ZFPM2: variants seen among roughly 807,000 people sequenced by gnomAD.
The protein encoded by ZFPM2 is zinc finger protein, FOG family member 2.
ZFPM2 carries 20 observed loss-of-function variants against 98.6 expected under a neutral mutation model. The observed-to-expected ratio is 0.20, with a 90% CI of 0.14 to 0.29. The LOEUF (loss-of-function observed/expected upper bound fraction) is 0.29. ZFPM2 is among the 10% of genes least tolerant of loss of function. The pLI, the probability that ZFPM2 is intolerant of heterozygous loss-of-function variation, is 1.00. For synonymous variants in ZFPM2, 518 were observed against 502.7 expected, an observed-to-expected ratio of 1.03 and a Z score of -0.41; for missense variants, 1,310 against 1,388.6, an observed-to-expected ratio of 0.94 and a Z score of 0.90.
chr8:105,799,059 C>A (rs1031652370), intron 7 of ZFPM2, 111 bp downstream of exon 7: 6 of 1,010,896 alleles, frequency 5.9e-6, no homozygotes, highest in Non-Finnish European at 5.7e-6. Context: ...CTATCTATAA[C>A]ATCAAAATCA....
intron 4 of ZFPM2, among the ~76,000 whole-genome samples, chr8:105,614,880 C>T (rs1239030739): frequency 6.6e-6 from 1 of 152,126 alleles, no homozygotes; most frequent in Non-Finnish European, 1.5e-5. Context: ...CCATACTTGA[C>T]ATTATGCATA....
chr8:105,803,448 G>A lies in ZFPM2; in HGVS notation c.3366G>A (p.Arg1122=), dbSNP rs756634270. 1 of 1,613,696 alleles carries A rather than the reference G, an allele frequency of 6.2e-7. No individual in the cohort carries two copies. Among genetic ancestry groups the A allele is most frequent in the Non-Finnish European group, 8.5e-7 (1 of 1,179,760 alleles). The change falls in exon 8 of 8, where the codon CGG becomes CGA. Residue 1122 remains arginine (R), a synonymous_variant. Coordinates refer to ENST00000407775, the MANE Select transcript of ZFPM2 (RefSeq NM_012082.4). ...CTCCAACCAGTGGGAAATATTGCCGGCTATGTGATATCCAGTTCAACAACC... is the reference window on the plus strand; with the variant it reads ...CTCCAACCAGTGGGAAATATTGCCGACTATGTGATATCCAGTTCAACAACC... ...SQAPTSGKYC[R]LCDIQFNNLS...
chr8:105,636,262 A>G (rs1210990974), intron 5 of ZFPM2, among the ~76,000 whole-genome samples: 1 of 152,158 alleles, frequency 6.6e-6, no homozygotes, highest in Admixed American at 6.6e-5. Context: ...AACTTGAGCA[A>G]ACTTATGTGT....
chr8:105,450,094 G>T (rs1177756410), intron 3 of ZFPM2, among the ~76,000 whole-genome samples: 1 of 152,014 alleles, frequency 6.6e-6, no homozygotes, highest in African/African-American at 2.4e-5. Flanking sequence ...TCTACTTGTT[G>T]CATCTTGACT....
chr8:105,444,510 TAAA>T (rs1335796462), intron 3 of ZFPM2, 129 bp downstream of exon 3: 1 of 511,642 alleles, frequency 2.0e-6, no homozygotes, highest in Non-Finnish European at 3.4e-6. Flanking sequence ...AGAGTTTAAA[TAAA>T]GATTATTATT....
chr8:105,485,587 G>A (rs933812682), intron 3 of ZFPM2, among the ~76,000 whole-genome samples: 1 of 152,150 alleles, frequency 6.6e-6, no homozygotes, highest in African/African-American at 2.4e-5. Context: ...GATGTTAGGA[G>A]ACTAAAGCAA....
At chr8:105,713,627 C>G (rs1811453586) in intron 5 of ZFPM2, among the ~76,000 whole-genome samples, 1 of 152,022 alleles carries the variant, frequency 6.6e-6, no homozygotes, top group Non-Finnish European at 1.5e-5. Flanking sequence ...TTTAATCCAT[C>G]TTGAGTTAAT....
rs572444152 is a variant in ZFPM2 at position 105,426,829 on chromosome 8, C to T, written c.199+7527C>T. 4.6e-5 allele frequency among the ~76,000 whole-genome samples: 7 copies of T among 151,958 alleles called. No homozygotes were observed. In the East Asian group the frequency reaches 5.8e-4, roughly 13 times the overall value. Reference sequence around the variant, plus strand: ...TACAAAAAATACAGGCAGTGGTACACGCCTGTAGTCCCAGCTACTCTGGAG... The same window carrying T: ...TACAAAAAATACAGGCAGTGGTACATGCCTGTAGTCCCAGCTACTCTGGAG... On this transcript the variant is annotated intron_variant, in intron 2 of 7. Coordinates refer to ENST00000407775, the MANE Select transcript of ZFPM2 (RefSeq NM_012082.4).
chr8:105,672,075 A>G (rs1807577410), intron 5 of ZFPM2, among the ~76,000 whole-genome samples: 1 of 152,164 alleles, frequency 6.6e-6, no homozygotes, highest in African/African-American at 2.4e-5. Context: ...ATAAAGTCTT[A>G]TACATTCTAG....
intron 3 of ZFPM2, among the ~76,000 whole-genome samples, chr8:105,559,936 G>A (rs1032396467): frequency 1.3e-5 from 2 of 151,948 alleles, no homozygotes; most frequent in African/African-American, 2.4e-5. Context: ...GGCCAGGCGC[G>A]GTGGCTCACG....
intron 1 of ZFPM2, among the ~76,000 whole-genome samples, chr8:105,382,681 A>T (rs1810911071): frequency 6.6e-6 from 1 of 152,080 alleles, no homozygotes; most frequent in Admixed American, 6.6e-5. Context: ...GGCTTAAAAT[A>T]TTTGTGATTT....
chr8:105,513,733 G>A (rs1813861281), intron 3 of ZFPM2, among the ~76,000 whole-genome samples: 1 of 152,186 alleles, frequency 6.6e-6, no homozygotes, highest in African/African-American at 2.4e-5. Flanking sequence ...AATTATAAAG[G>A]AGGAGATCTA....
At chr8:105,331,472 G>T (rs1338959238) in intron 1 of ZFPM2, among the ~76,000 whole-genome samples, 2 of 151,608 alleles carry the variant, frequency 1.3e-5, no homozygotes, top group African/African-American at 2.4e-5. Context: ...CGTGTTAGGG[G>T]ATTTGTTGTT....
intron 4 of ZFPM2, among the ~76,000 whole-genome samples, chr8:105,614,019 T>C (rs1816363253): frequency 6.6e-6 from 1 of 152,164 alleles, no homozygotes; most frequent in Admixed American, 6.5e-5. Context: ...TATGGTTAGA[T>C]TTTTGGAATC....
chr8:105,573,571 TTTA>T (rs1247111781), intron 4 of ZFPM2, among the ~76,000 whole-genome samples: 7 of 152,208 alleles, frequency 4.6e-5, no homozygotes, highest in Non-Finnish European at 1.5e-5. Flanking sequence ...TGAGGTATAT[TTTA>T]TTATTATTCA....
chr8:105,364,633 A>G (rs947871660), intron 1 of ZFPM2, among the ~76,000 whole-genome samples: 1 of 151,550 alleles, frequency 6.6e-6, no homozygotes, highest in Non-Finnish European at 1.5e-5. Context: ...AAGTCTACAT[A>G]TAGTATCCAT....
At chr8:105,660,313 C>T (rs928739667) in intron 5 of ZFPM2, among the ~76,000 whole-genome samples, 1 of 152,122 alleles carries the variant, frequency 6.6e-6, no homozygotes, top group Non-Finnish European at 1.5e-5. Flanking sequence ...CCCAGCCAAA[C>T]TCCATCTCAG....
intron 1 of ZFPM2, among the ~76,000 whole-genome samples, chr8:105,369,297 TTA>T (rs1171929505): frequency 6.6e-6 from 1 of 152,190 alleles, no homozygotes; most frequent in Non-Finnish European, 1.5e-5. Context: ...CTAAATATTA[TTA>T]TGTTTTTATA....
At chr8:105,731,211 C>G (rs1183347208) in intron 5 of ZFPM2, among the ~76,000 whole-genome samples, 6 of 151,726 alleles carry the variant, frequency 4.0e-5, no homozygotes, top group Non-Finnish European at 7.4e-5. Context: ...GTGTGTTCTC[C>G]CTTGTCCTTT....
Sources: gnomAD v4.1 joint callset for allele counts (sites outside exome capture counted in the v4.1 genomes callset) on GRCh38, gnomAD v4.1.1 for gene constraint, MANE v1.5 for transcripts, NCBI Gene and HGNC (gene_info 2026-07-23, HGNC 2026-07-21) for gene names.